The following DLG2 variants were observed in gnomAD, a reference collection of about 807,000 sequenced individuals.
The protein encoded by DLG2 is discs large MAGUK scaffold protein 2.
Under a neutral mutation model 132.5 loss-of-function variants are expected in DLG2, and 45 were observed. That is an observed-to-expected ratio of 0.34 (90% CI 0.27 to 0.44). DLG2 has a LOEUF of 0.44. DLG2 is among the 20% of genes least tolerant of loss of function. The pLI, the probability that DLG2 is intolerant of heterozygous loss-of-function variation, is 1.00. For missense variants in DLG2, 1,045 were observed against 1,196.9 expected (o/e 0.87, Z 1.87); for synonymous variants, 424 against 419.6 (o/e 1.01, Z -0.13).
At chr11:84,140,893 C>T (rs998116282) in intron 9 of DLG2, among the ~76,000 whole-genome samples, 25 of 152,050 alleles carry the variant, frequency 1.6e-4, no homozygotes, top group African/African-American at 5.6e-4. Context: ...GTTTGCTGGT[C>T]ACATCTTAGT....
chr11:84,935,778 A>C (rs1348020617), intron 6 of DLG2, among the ~76,000 whole-genome samples: 2 of 152,146 alleles, frequency 1.3e-5, no homozygotes, highest in African/African-American at 4.8e-5. Flanking sequence ...AGAAAACTCT[A>C]ATCTAGAAAG....
chr11:84,070,059 C>T (rs2096733855), intron 10 of DLG2, among the ~76,000 whole-genome samples: 1 of 152,212 alleles, frequency 6.6e-6, no homozygotes, highest in African/African-American at 2.4e-5. Context: ...TTCAAACACA[C>T]AAAACCAGGT....
At chr11:84,231,767 G>C (rs949947789) in intron 8 of DLG2, among the ~76,000 whole-genome samples, 6 of 152,120 alleles carry the variant, frequency 3.9e-5, no homozygotes, top group Admixed American at 3.9e-4. Context: ...TCTGGAATAA[G>C]AACTCAGAGA....
chr11:84,064,407 A>T (rs970425088), intron 10 of DLG2, among the ~76,000 whole-genome samples: 1 of 152,194 alleles, frequency 6.6e-6, no homozygotes, highest in Non-Finnish European at 1.5e-5. Flanking sequence ...AGAACCTAAG[A>T]ACATGGCTTG....
intron 22 of DLG2, chr11:83,480,676 C>T: frequency 2.7e-6 from 4 of 1,504,912 alleles, no homozygotes; most frequent in Non-Finnish European, 2.7e-6. Context: ...TGCATAATGT[C>T]AATTTAGGCG....
chr11:84,436,320 G>T (rs77919140), intron 7 of DLG2, among the ~76,000 whole-genome samples: 1,799 of 152,170 alleles, frequency 0.012, 31 homozygotes, highest in African/African-American at 0.041. Flanking sequence ...TTCGTATCTT[G>T]GTTCATCACT....
At chr11:83,504,319 C>G (rs1378408340) in intron 21 of DLG2, among the ~76,000 whole-genome samples, 2 of 152,130 alleles carry the variant, frequency 1.3e-5, no homozygotes, top group Admixed American at 1.3e-4. Context: ...AGGGCCTGGG[C>G]TATCCCTTCC....
chr11:83,488,962 T>C (rs1368787765), intron 21 of DLG2, among the ~76,000 whole-genome samples: 1 of 152,012 alleles, frequency 6.6e-6, no homozygotes, highest in African/African-American at 2.4e-5. Flanking sequence ...GAGATATATC[T>C]GCTTACAGAA....
In DLG2 at chr11:84,270,660, G is replaced by A. The variant is rs114942204; in HGVS notation, c.520-19369C>T. Among the ~76,000 whole-genome samples the A allele has an allele frequency of 3.6e-3, 542 of 152,224 alleles. 1 individual carries two copies. Among genetic ancestry groups the A allele is most frequent in the African/African-American group, 0.011 (457 of 41,544 alleles). On this transcript the variant is annotated intron_variant, in intron 7 of 27. Coordinates refer to ENST00000376104, the MANE Select transcript of DLG2 (RefSeq NM_001142699.3). ...TTATGGTGTGTGAGTGAGATGATCC[G>A]GACCATCTAGGTGGCTCCGCATTCT...
intron 8 of DLG2, among the ~76,000 whole-genome samples, chr11:84,181,673 A>G (rs866763990): frequency 3.9e-5 from 6 of 152,210 alleles, no homozygotes; most frequent in Non-Finnish European, 7.4e-5. Context: ...TAAAAAGTAA[A>G]TGAATGGAGA....
At chr11:84,712,939 C>A (rs1296608279) in intron 6 of DLG2, among the ~76,000 whole-genome samples, 1 of 152,002 alleles carries the variant, frequency 6.6e-6, no homozygotes, top group Non-Finnish European at 1.5e-5. Flanking sequence ...TGCTGTGTGA[C>A]CTTGAGTAAG....
intron 17 of DLG2, among the ~76,000 whole-genome samples, chr11:83,820,247 A>T (rs1038454901): frequency 3.3e-5 from 5 of 152,148 alleles, no homozygotes; most frequent in African/African-American, 1.2e-4. Context: ...ACTGAAAAAA[A>T]GTATAAGAAA....
intron 6 of DLG2, among the ~76,000 whole-genome samples, chr11:84,645,245 T>C (rs1196743365): frequency 6.6e-6 from 1 of 152,176 alleles, no homozygotes; most frequent in Non-Finnish European, 1.5e-5. Flanking sequence ...CCTCAAATTA[T>C]TATCAGTAAA....
chr11:85,468,695 G>T (rs978429913), intron 3 of DLG2, among the ~76,000 whole-genome samples: 6 of 152,114 alleles, frequency 3.9e-5, no homozygotes, highest in Admixed American at 1.3e-4. Flanking sequence ...TATAATTTCT[G>T]TTCTTTTACA....
At chr11:85,247,456 C>T (rs1565211675) in intron 4 of DLG2, among the ~76,000 whole-genome samples, 1 of 152,010 alleles carries the variant, frequency 6.6e-6, no homozygotes, top group Non-Finnish European at 1.5e-5. Flanking sequence ...TCCAAAATTA[C>T]AAGTCCTAAA....
chr11:85,482,886 A>T (rs1476031183), intron 3 of DLG2, among the ~76,000 whole-genome samples: 1 of 152,156 alleles, frequency 6.6e-6, no homozygotes, highest in Non-Finnish European at 1.5e-5. Context: ...ACCCCTTCTG[A>T]CCCAGGTTCC....
chr11:84,548,771 G>C (rs1168290923), intron 6 of DLG2, among the ~76,000 whole-genome samples: 1 of 152,008 alleles, frequency 6.6e-6, no homozygotes, highest in Non-Finnish European at 1.5e-5. Flanking sequence ...TCTTACACGA[G>C]CCCATCTAAA....
rs190015606 is a variant in DLG2, at chr11:83,790,644, G to C, written c.1723-3852C>G. The C allele has an allele frequency of 3.0e-4, 356 of 1,184,178 alleles. 1 individual carries two copies. In the East Asian group the frequency reaches 7.3e-3, roughly 24 times the overall value. The allele number at this position is 1,184,178 out of a possible 1,614,324, so 73.4% of individuals were successfully genotyped here. On this transcript the variant is annotated intron_variant, in intron 17 of 27. Transcript: ENST00000376104. ...ATTATTTTGCATTGGAGGTAGCAAT[G>C]GTGAGAGTGGAGGGACATGATGCGG...
chr11:83,547,479 T>G (rs68058076), intron 19 of DLG2, among the ~76,000 whole-genome samples: 3,207 of 151,968 alleles, frequency 0.021, 116 homozygotes, highest in African/African-American at 0.072. Flanking sequence ...CAGAGAGATA[T>G]GACTTGGGAA....
Sources: allele counts gnomAD v4.1 joint callset (sites outside exome capture counted in the v4.1 genomes callset), GRCh38; gene constraint gnomAD v4.1.1; transcripts MANE v1.5; gene names NCBI Gene and HGNC (gene_info 2026-07-23, HGNC 2026-07-21).